TSEN34: variants seen among roughly 807,000 people sequenced by gnomAD.
The protein encoded by TSEN34 is tRNA splicing endonuclease subunit 34, also known as tRNA-splicing endonuclease subunit Sen34.
A neutral mutation model predicts 30.2 loss-of-function variants in TSEN34; 25 were observed. The ratio of observed to expected loss-of-function variants is 0.83; its 90% CI spans 0.60 to 1.16. The LOEUF (loss-of-function observed/expected upper bound fraction) is 1.16. TSEN34 is among the 50% of genes most tolerant of loss of function. TSEN34 has a pLI of 0.00. For synonymous variants in TSEN34, 209 were observed against 177.4 expected (o/e 1.18, Z -1.41); for missense variants, 475 against 411.9 (o/e 1.15, Z -1.33).
upstream of TSEN34, chr19:54,190,478 G>C: frequency 2.2e-6 from 3 of 1,388,422 alleles, no homozygotes; most frequent in Non-Finnish European, 2.8e-6. Flanking sequence ...GAGAGTGGAC[G>C]GCGGGTGTCC....
rs2076772428 is a variant in TSEN34 at position 54,193,212 on chromosome 19, G to A, written c.783G>A (p.Gln261=). The A allele has an allele frequency of 1.2e-6, 2 of 1,613,978 alleles. No homozygotes were observed. Among genetic ancestry groups the A allele is most frequent in the South Asian group, 2.2e-5 (2 of 91,074 alleles). Residue 261 remains glutamine (Q), a synonymous_variant, in exon 4 of 4, where the codon CAG becomes CAA. Transcript: ENST00000396388. ...PLRFHAHYIA[Q]CWAPEDTIPL... ...GCTTCCACGCCCATTATATCGCTCA[G>A]TGCTGGGCCCCTGAGGACACCATCC...
chr19:54,190,632 C>G (rs951519557), upstream of TSEN34: 2 of 1,237,118 alleles, frequency 1.6e-6, no homozygotes, highest in Non-Finnish European at 2.0e-6. Flanking sequence ...CTATTGCGTC[C>G]GGGAGGAGGC....
At position 54,191,322 on chromosome 19, in the gene TSEN34, A is replaced by G. The variant is rs1350464779; in HGVS notation, c.-43A>G. 1.9e-6 allele frequency: 3 copies of G among 1,547,716 alleles called. No individual in the cohort carries two copies. The Admixed American group carries it at 5.9e-5, about 30-fold the overall frequency. On this transcript the variant is annotated 5_prime_UTR_variant, in exon 1 of 4. Coordinates refer to ENST00000396388, the MANE Select transcript of TSEN34 (RefSeq NM_001077446.4). ...TGCGCTGCAGCGGTCCGCGGCGCGCAGCTGTTTCGGTAACTGCTTTGCCTC... is the reference window on the plus strand; with the variant it reads ...TGCGCTGCAGCGGTCCGCGGCGCGCGGCTGTTTCGGTAACTGCTTTGCCTC...
At position 54,194,223 on chromosome 19, in the gene TSEN34, G is replaced by GTA. The variant is rs1402275476; in HGVS notation, c.*862_*863insAT. The GTA allele has an allele frequency of 3.3e-5, 5 of 152,262 alleles. No individual in the cohort carries two copies. In the East Asian group the frequency reaches 7.7e-4, roughly 24 times the overall value. 9.4% of individuals were successfully genotyped at this position (152,262 alleles called of 1,614,324 possible). A position where few individuals can be genotyped will look rare whatever the true frequency, so the allele number is the denominator to read the frequency against. ...CACACATGTATGTATATATATGTGTGTGTATATATATATATATTATGAAAG... is the reference window on the plus strand; with the variant it reads ...CACACATGTATGTATATATATGTGTGTATGTATATATATATATATTATGAAAG... On this transcript the variant is annotated 3_prime_UTR_variant, in exon 4 of 4. Transcript: ENST00000396388.
chr19:54,193,416 G>A lies in TSEN34; in HGVS notation c.*54G>A. On this transcript the variant is annotated 3_prime_UTR_variant, in exon 4 of 4. Coordinates refer to ENST00000396388, the MANE Select transcript of TSEN34 (RefSeq NM_001077446.4). ...GTCGGCAGCAAGAGCCTTTCTGGAT[G>A]TTCCCCAGCTCTTCTCTGGGAGTCT... The A allele has an allele frequency of 3.1e-6, 5 of 1,610,288 alleles. No individual in the cohort carries two copies. The highest frequency in any genetic ancestry group is 2.2e-5 in the East Asian group (1 of 44,622).
chr19:54,190,452 T>C (rs970811224), upstream of TSEN34: 3 of 1,400,470 alleles, frequency 2.1e-6, no homozygotes, highest in Non-Finnish European at 2.8e-6. Flanking sequence ...CCAATTGGGG[T>C]GAGCCCGCCC....
In TSEN34 at chr19:54,193,473, T is replaced by C. The variant is rs1401208261; in HGVS notation, c.*111T>C. On this transcript the variant is annotated 3_prime_UTR_variant, in exon 4 of 4. Coordinates refer to ENST00000396388, the MANE Select transcript of TSEN34 (RefSeq NM_001077446.4). ...TCCTCCTACCTTTCTCCGCGGTTAG[T>C]TTTTGATTCCAGGTTTTCGAACACT... 4 of 1,562,606 alleles carry C rather than the reference T, an allele frequency of 2.6e-6. No individual in the cohort carries two copies. The highest frequency in any genetic ancestry group is 1.2e-5 in the South Asian group (1 of 85,922).
In TSEN34 at chr19:54,191,432, G is replaced by A. The variant is rs747139689; in HGVS notation, c.68G>A (p.Arg23Gln). The part of the protein sequence containing the change: ...VWGAEAVQAL[R>Q]ERLGVGGRTV... ...GGAGCCGAGGCGGTGCAGGCCCTCCGGGAGCGCCTGGGTGTGGGGGGCCGC... is the reference window on the plus strand; with the variant it reads ...GGAGCCGAGGCGGTGCAGGCCCTCCAGGAGCGCCTGGGTGTGGGGGGCCGC... The change falls in exon 1 of 4, where the codon CGG becomes CAG. Residue 23 changes from arginine (R) to glutamine (Q), a missense_variant. Coordinates refer to ENST00000396388, the MANE Select transcript of TSEN34 (RefSeq NM_001077446.4). 1.3e-6 allele frequency: 2 copies of A among 1,547,922 alleles called. No individual in the cohort carries two copies. The highest frequency in any genetic ancestry group is 1.7e-6 in the Non-Finnish European group (2 of 1,146,530).
upstream of TSEN34, chr19:54,190,850 G>A: frequency 9.5e-7 from 1 of 1,050,804 alleles, no homozygotes. Flanking sequence ...GAGGAGGAGC[G>A]AAGGCTCGAG....
Position 54,194,253 on chromosome 19 carries a change from T to C in TSEN34, c.*891T>C, listed in dbSNP as rs1398959870. 6.6e-6 allele frequency: 1 copy of C among 151,502 alleles called. No individual in the cohort carries two copies. The highest frequency in any genetic ancestry group is 1.5e-5 in the Non-Finnish European group (1 of 67,934). The allele number at this position is 151,502 out of a possible 1,614,324, so 9.4% of individuals were successfully genotyped here. A position where few individuals can be genotyped will look rare whatever the true frequency, so the allele number is the denominator to read the frequency against. On this transcript the variant is annotated 3_prime_UTR_variant, in exon 4 of 4. Coordinates refer to ENST00000396388, the MANE Select transcript of TSEN34 (RefSeq NM_001077446.4). ...TATATATATATATTATGAAAGGAAA[T>C]GAGTATTGTAATTTTAGGAGTTCAG...
In TSEN34 at chr19:54,193,364, C is replaced by T; in HGVS notation, c.*2C>T. Reference sequence around the variant, plus strand: ...CTGCAATGGGCCAGCCTGCAGTGAACTCCAGAGACCTAGGGGATGTGGCTG... The same window carrying T: ...CTGCAATGGGCCAGCCTGCAGTGAATTCCAGAGACCTAGGGGATGTGGCTG... On this transcript the variant is annotated 3_prime_UTR_variant, in exon 4 of 4. Coordinates refer to ENST00000396388, the MANE Select transcript of TSEN34 (RefSeq NM_001077446.4). 6.2e-7 allele frequency: 1 copy of T among 1,614,184 alleles called. No individual in the cohort carries two copies. The highest frequency in any genetic ancestry group is 8.5e-7 in the Non-Finnish European group (1 of 1,180,034).
chr19:54,193,095 A>C, intron 3 of TSEN34, 80 bp from the exon 4 acceptor site: 13 of 1,606,702 alleles, frequency 8.1e-6, no homozygotes, highest in South Asian at 1.1e-5. Context: ...ATGATCTCAG[A>C]TCTCCTCCCA....
upstream of TSEN34, chr19:54,191,216 AGGT>A (rs1345625612): frequency 9.2e-6 from 13 of 1,409,910 alleles, no homozygotes; most frequent in Non-Finnish European, 1.0e-5. Flanking sequence ...CGGGCCCAGC[AGGT>A]GGTGAACGGC....
In TSEN34 at chr19:54,193,711, T is replaced by A. The variant is rs1053990577; in HGVS notation, c.*349T>A. ...ACAGTCCTGGAACCCGTGGATGGTC[T>A]CATCTGCATGTACAGGTGAGAAAAA... On this transcript the variant is annotated 3_prime_UTR_variant, in exon 4 of 4. Coordinates refer to ENST00000396388, the MANE Select transcript of TSEN34 (RefSeq NM_001077446.4). The A allele has an allele frequency of 2.0e-5, 15 of 754,030 alleles. No individual in the cohort carries two copies. In the African/African-American group the frequency reaches 2.6e-4, roughly 13 times the overall value. 46.7% of individuals were successfully genotyped at this position (754,030 alleles called of 1,614,324 possible).
chr19:54,189,552 G>A (rs1237394471), upstream of TSEN34: 2 of 152,706 alleles, frequency 1.3e-5, no homozygotes, highest in Admixed American at 6.5e-5. Context: ...GCGCGAGTCG[G>A]CAACGGGATT....
At chr19:54,190,223 T>TGCGAG, upstream of TSEN34, 1 of 755,456 alleles carries the variant, frequency 1.3e-6, no homozygotes, top group Non-Finnish European at 2.2e-6. Context: ...GCTTCGGTCC[T>TGCGAG]GCGAGGGGCG....
upstream of TSEN34, chr19:54,191,122 A>AGGGTC (rs2076665294): frequency 1.5e-6 from 2 of 1,335,350 alleles, no homozygotes; most frequent in African/African-American, 1.6e-5. Context: ...TGGCGAGGGG[A>AGGGTC]GAGGGTCGGG....
At position 54,193,790 on chromosome 19, in the gene TSEN34, G is replaced by A. The variant is rs971928576; in HGVS notation, c.*428G>A. ...AAAGTCACACACTTAGTAAATAGCA[G>A]GCCTGGCCTTTCAAAATTGGTTTTT... On this transcript the variant is annotated 3_prime_UTR_variant, in exon 4 of 4. Coordinates refer to ENST00000396388, the MANE Select transcript of TSEN34 (RefSeq NM_001077446.4). The A allele has an allele frequency of 4.6e-6, 3 of 651,950 alleles. No individual in the cohort carries two copies. The Admixed American group carries it at 7.7e-5, about 17-fold the overall frequency. 40.4% of individuals were successfully genotyped at this position (651,950 alleles called of 1,614,324 possible). A position where few individuals can be genotyped will look rare whatever the true frequency, so the allele number is the denominator to read the frequency against.
upstream of TSEN34, chr19:54,189,839 G>A: frequency 6.0e-6 from 1 of 165,880 alleles, no homozygotes; most frequent in Non-Finnish European, 1.3e-5. Context: ...CACTGTGGGC[G>A]GAGCCACATG....
Sources: allele counts gnomAD v4.1 joint callset, GRCh38; gene constraint gnomAD v4.1.1; transcripts MANE v1.5; gene names NCBI Gene and HGNC (gene_info 2026-07-23, HGNC 2026-07-21).